Variants in LECT2 observed in about 807,000 individuals in gnomAD.
LECT2 encodes the protein leukocyte cell derived chemotaxin 2, also known as leukocyte cell-derived chemotaxin-2.
LECT2 carries 11 observed loss-of-function variants against 16.6 expected under a neutral mutation model. The observed-to-expected ratio is 0.66, with a 90% confidence interval of 0.42 to 1.09. LECT2 has a LOEUF of 1.09. Among genes scored for constraint, LECT2 ranks in the 50% least tolerant of loss-of-function variants. The probability of loss-of-function intolerance (pLI) is 0.00; values close to 1 mark genes in which losing one functional copy is unlikely to be tolerated. For synonymous variants in LECT2, 54 were observed against 64.8 expected, an observed-to-expected ratio of 0.83 and a Z score of 0.80; for missense variants, 173 against 184.2, an observed-to-expected ratio of 0.94 and a Z score of 0.35.
intron 3 of LECT2, among the ~76,000 whole-genome samples, chr5:135,948,331 C>T (rs1763732926): frequency 6.6e-6 from 1 of 151,946 alleles, no homozygotes; most frequent in African/African-American, 2.4e-5. Context: ...AGATAGAAAC[C>T]CACCAATAAT....
chr5:135,950,960 C>T, intron 3 of LECT2: 1 of 512,150 alleles, frequency 2.0e-6, no homozygotes, highest in Non-Finnish European at 3.4e-6. Context: ...ATGCTTATTA[C>T]CTGGGTGACA....
chr5:135,947,405 T>C lies in LECT2; in HGVS notation c.382A>G (p.Lys128Glu), dbSNP rs1222076489. Residue 128 changes from lysine to glutamate, a missense_variant, in exon 4 of 4, where the codon AAA (lysine) becomes GAA (glutamate). Coordinates refer to ENST00000274507, the MANE Select transcript of LECT2 (RefSeq NM_002302.3). ...TGCGATTGTATGCCAGGATAAACTT[T>C]CTGCAAGGGCAATAGAGTTCCAAGT... ...EKLGTLLPLQ[K>E]VYPGIQSHVH... 1 of 1,614,146 alleles carries C rather than the reference T, an allele frequency of 6.2e-7. No individual in the cohort carries two copies. Among genetic ancestry groups the C allele is most frequent in the Non-Finnish European group, 8.5e-7 (1 of 1,179,974 alleles).
Position 135,947,422 on chromosome 5 carries a change from G to T in LECT2, c.365C>A (p.Thr122Asn). The change falls in exon 4 of 4, where the codon ACT (threonine) becomes AAT (asparagine). Residue 122 changes from threonine (T) to asparagine (N), a missense_variant. By Grantham distance (65) the Thr-to-Asn change is moderately conservative. Coordinates refer to ENST00000274507, the MANE Select transcript of LECT2 (RefSeq NM_002302.3). ...GPIKKGEKLG[T>N]LLPLQKVYPG... ...ATAAACTTTCTGCAAGGGCAATAGAGTTCCAAGTTTTTCTCCCTTCTTAAT... is the reference window on the plus strand; with the variant it reads ...ATAAACTTTCTGCAAGGGCAATAGATTTCCAAGTTTTTCTCCCTTCTTAAT... 2 of 1,614,038 alleles carry T rather than the reference G, an allele frequency of 1.2e-6. No individual in the cohort carries two copies. The highest frequency in any genetic ancestry group is 1.1e-5 in the South Asian group (1 of 91,076).
intron 3 of LECT2, among the ~76,000 whole-genome samples, chr5:135,948,175 C>A (rs1016162356): frequency 6.6e-5 from 10 of 152,054 alleles, no homozygotes; most frequent in Admixed American, 1.3e-4. Flanking sequence ...GAAATCAGGC[C>A]AAAAGGCATT....
chr5:135,949,184 G>C (rs2126875728), intron 3 of LECT2, among the ~76,000 whole-genome samples: 1 of 152,220 alleles, frequency 6.6e-6, no homozygotes, highest in South Asian at 2.1e-4. Context: ...ATTGATTGGA[G>C]GACTCACTAC....
chr5:135,954,125 C>A lies in LECT2; in HGVS notation c.46+663G>T, dbSNP rs114252322. 2.7e-3 allele frequency among the ~76,000 whole-genome samples: 413 copies of A among 152,332 alleles called. 1 individual carries two copies. The highest frequency in any genetic ancestry group is 9.6e-3 in the African/African-American group (398 of 41,584). On this transcript the variant is annotated intron_variant, in intron 1 of 3. Coordinates refer to ENST00000274507, the MANE Select transcript of LECT2 (RefSeq NM_002302.3). Reference sequence around the variant, plus strand: ...CAAAAGCGAGAGCCTGGTAATTTGACTATTGATTTTATTTAAAGACATTTT... The same window carrying A: ...CAAAAGCGAGAGCCTGGTAATTTGAATATTGATTTTATTTAAAGACATTTT...
rs182742002 is a variant in LECT2 at position 135,949,923 on chromosome 5, C to A, written c.289+1300G>T. Among the ~76,000 whole-genome samples the A allele has an allele frequency of 2.0e-5, 3 of 152,328 alleles. No individual in the cohort carries two copies. In the East Asian group the frequency reaches 5.8e-4, roughly 29 times the overall value. The stretch of plus-strand genomic sequence containing the variant: ...ACAAATCTCTGAGATTTAGACGAAT[C>A]TGATTACTGCTTCTGCTCTCACTGA... On this transcript the variant is annotated intron_variant, in intron 3 of 3. Coordinates refer to ENST00000274507, the MANE Select transcript of LECT2 (RefSeq NM_002302.3).
intron 3 of LECT2, among the ~76,000 whole-genome samples, chr5:135,947,764 A>G (rs995083288): frequency 2.0e-5 from 3 of 152,206 alleles, no homozygotes; most frequent in South Asian, 2.1e-4. Context: ...GCCCTGAACA[A>G]TGTCAACTCC....
At chr5:135,949,095 A>G (rs532347059) in intron 3 of LECT2, among the ~76,000 whole-genome samples, 2 of 152,328 alleles carry the variant, frequency 1.3e-5, no homozygotes, top group Admixed American at 1.3e-4. Context: ...GATGTGCAAG[A>G]CCTCTACACT....
rs1369135318 is a variant in LECT2 at position 135,954,058 on chromosome 5, A to G, written c.46+730T>C. ...TTCCAGTGTTAACATTCACAGAGAG[A>G]TACAGTGAGCACACTCAACCTTGCA... On this transcript the variant is annotated intron_variant, in intron 1 of 3. Coordinates refer to ENST00000274507, the MANE Select transcript of LECT2 (RefSeq NM_002302.3). 2.0e-5 allele frequency among the ~76,000 whole-genome samples: 3 copies of G among 152,212 alleles called. No individual in the cohort carries two copies. In the East Asian group the frequency reaches 5.8e-4, roughly 29 times the overall value.
In LECT2 at chr5:135,948,671, TA is replaced by T. The variant is rs778632239; in HGVS notation, c.290-1175del. On this transcript the variant is annotated intron_variant, in intron 3 of 3. Coordinates refer to ENST00000274507, the MANE Select transcript of LECT2 (RefSeq NM_002302.3). ...AGAAAATTTAAAATAATAATAATAA[TA>T]ATTATTATTATTATTTTTTTGAGAC... Among the ~76,000 whole-genome samples the T allele has an allele frequency of 5.4e-3, 800 of 148,586 alleles. 3 individuals carry two copies. Among genetic ancestry groups the T allele is most frequent in the Middle Eastern group, 0.014 (4 of 284 alleles).
chr5:135,947,788 A>T (rs1340784672), intron 3 of LECT2, among the ~76,000 whole-genome samples: 1 of 152,200 alleles, frequency 6.6e-6, no homozygotes, highest in Non-Finnish European at 1.5e-5. Flanking sequence ...ACATATTCTG[A>T]TAGAATGATT....
intron 3 of LECT2, among the ~76,000 whole-genome samples, chr5:135,950,192 T>A (rs31522): frequency 0.79 from 120,443 of 152,172 alleles, 48,408 homozygotes; most frequent in African/African-American, 0.94. Flanking sequence ...ATAATCATCT[T>A]AAACTGGAAA....
intron 3 of LECT2, among the ~76,000 whole-genome samples, chr5:135,949,658 G>T (rs932089453): frequency 1.3e-5 from 2 of 152,220 alleles, no homozygotes; most frequent in African/African-American, 2.4e-5. Context: ...TAAATGTTTG[G>T]CTGCGTAGCA....
Position 135,952,970 on chromosome 5 carries a change from A to G in LECT2, c.47-3T>C, listed in dbSNP as rs1335002784. The G allele has an allele frequency of 6.2e-7, 1 of 1,606,960 alleles. No individual in the cohort carries two copies. On this transcript the variant is annotated splice_polypyrimidine_tract_variant and splice_region_variant and intron_variant, in intron 1 of 3. Transcript: ENST00000274507. ...ATTAGCCCATGGCCCTGCCAGTGCT[A>G]AAAAGGAGAAAAGTGAGAGCAGAGC... is the stretch of plus-strand genomic sequence containing the variant.
Position 135,951,318 on chromosome 5 carries a change from G to T in LECT2, c.194C>A (p.Thr65Asn). The T allele has an allele frequency of 4.3e-6, 7 of 1,613,904 alleles. No individual in the cohort carries two copies. Among genetic ancestry groups the T allele is most frequent in the Non-Finnish European group, 5.9e-6 (7 of 1,179,770 alleles). ...CATTCCAGTGAATGGTGCGTACACA[G>T]TAGATCCAGCAGAGCACAAGATGTC... ...GVDILCSAGS[T>N]VYAPFTGMIV... Residue 65 changes from threonine to asparagine, a missense_variant, in exon 3 of 4, where the codon ACT (threonine) becomes AAT (asparagine). Coordinates refer to ENST00000274507, the MANE Select transcript of LECT2 (RefSeq NM_002302.3).
intron 1 of LECT2, among the ~76,000 whole-genome samples, chr5:135,954,167 T>C (rs1194555755): frequency 6.6e-6 from 1 of 152,242 alleles, no homozygotes; most frequent in Admixed American, 6.5e-5. Context: ...CATTAATACC[T>C]ATCCTGTGAA....
At chr5:135,947,647 G>T in intron 3 of LECT2, 150 bp from the exon 4 acceptor site, 2 of 950,826 alleles carry the variant, frequency 2.1e-6, no homozygotes, top group East Asian at 2.8e-5. Context: ...ATATTAAAAA[G>T]GAAGACTAAA....
chr5:135,952,165 T>C (rs2126876858), intron 2 of LECT2, among the ~76,000 whole-genome samples: 1 of 152,374 alleles, frequency 6.6e-6, no homozygotes, highest in African/African-American at 2.4e-5. Context: ...ACGTTTCCCA[T>C]ATTTCCCTTC....
Sources: allele counts gnomAD v4.1 joint callset (sites outside exome capture counted in the v4.1 genomes callset), GRCh38; gene constraint gnomAD v4.1.1; transcripts MANE v1.5; gene names NCBI Gene and HGNC (gene_info 2026-07-23, HGNC 2026-07-21).